MCM3AP: variants seen among roughly 807,000 people sequenced by gnomAD.
The protein encoded by MCM3AP is minichromosome maintenance complex component 3 associated protein.
A neutral mutation model predicts 184.1 loss-of-function variants in MCM3AP; 126 were observed. The ratio of observed to expected loss-of-function variants is 0.68; its 90% CI spans 0.59 to 0.79. MCM3AP has a LOEUF of 0.79. MCM3AP is among the 30% of genes least tolerant of loss of function. The probability of loss-of-function intolerance (pLI) is 0.00; values close to 1 mark genes in which losing one functional copy is unlikely to be tolerated. For missense variants in MCM3AP, 2,496 were observed against 2,479.2 expected (o/e 1.01, Z -0.14); for synonymous variants, 1,002 against 979.3 (o/e 1.02, Z -0.43).
intron 19 of MCM3AP, chr21:46,254,009 C>T (rs1380681801): frequency 2.4e-5 from 6 of 255,040 alleles, no homozygotes; most frequent in South Asian, 5.2e-5. Context: ...CTCTCTCTTC[C>T]TCCTGCTTTG....
At chr21:46,251,415 A>G (rs1022689696) in intron 20 of MCM3AP, 114 bp downstream of exon 20, 2 of 844,224 alleles carry the variant, frequency 2.4e-6, no homozygotes, top group South Asian at 2.4e-5. Flanking sequence ...TGAGCCTCCC[A>G]GTCTTTCAAA....
intron 4 of MCM3AP, among the ~76,000 whole-genome samples, chr21:46,279,045 G>T (rs1024756171): frequency 6.6e-6 from 1 of 150,800 alleles, no homozygotes; most frequent in Admixed American, 6.6e-5. Flanking sequence ...TATTAGAAAT[G>T]CATGGTTTGG....
In MCM3AP at chr21:46,279,600, G is replaced by A. The variant is rs373329187; in HGVS notation, c.1667+393C>T. Among the ~76,000 whole-genome samples the A allele has an allele frequency of 9.2e-5, 14 of 152,332 alleles. No homozygotes were observed. The East Asian group carries it at 1.5e-3, about 17-fold the overall frequency. On this transcript the variant is annotated intron_variant, in intron 4 of 27. Transcript: ENST00000291688. ...GGTCTGTACCAGCTATAACAACTGT[G>A]TGATGAGATTCTCCCATAGAAAATG... is the stretch of plus-strand genomic sequence containing the variant.
chr21:46,250,139 G>C (rs2080845736), intron 20 of MCM3AP: 1 of 147,096 alleles, frequency 6.8e-6, no homozygotes, highest in African/African-American at 2.7e-5. Flanking sequence ...TACATTAAGT[G>C]AGACAATAAG....
chr21:46,263,350 A>T (rs1016683929), intron 13 of MCM3AP, among the ~76,000 whole-genome samples: 1 of 152,128 alleles, frequency 6.6e-6, no homozygotes, highest in Non-Finnish European at 1.5e-5. Context: ...CAAAACAAAC[A>T]AACAAAAAAA....
rs369759778 is a variant in MCM3AP, at chr21:46,265,273, G to A, written c.3234+48C>T. On this transcript the variant is annotated intron_variant, in intron 12 of 27. Coordinates refer to ENST00000291688, the MANE Select transcript of MCM3AP (RefSeq NM_003906.5). ...TGGGGTGATGACTAAGGACGTTTGCGCACAATGGGCTTCCCAGAGTCCAGA... is the reference window on the plus strand; with the variant it reads ...TGGGGTGATGACTAAGGACGTTTGCACACAATGGGCTTCCCAGAGTCCAGA... 3.6e-5 allele frequency: 56 copies of A among 1,570,616 alleles called. No individual in the cohort carries two copies. The African/African-American group carries it at 4.7e-4, about 13-fold the overall frequency.
Position 46,243,006 on chromosome 21 carries a change from C to CAAA in MCM3AP, c.5297-78_5297-76dup. ...GTCTCAAAAAAAAAAAAAACACACA[C>CAAA]AAAAAAACAAAAACAGGTACAAATA... On this transcript the variant is annotated intron_variant, in intron 24 of 27. Coordinates refer to ENST00000291688, the MANE Select transcript of MCM3AP (RefSeq NM_003906.5). 17 of 1,250,684 alleles carry CAAA rather than the reference C, an allele frequency of 1.4e-5. No individual in the cohort carries two copies. The East Asian group carries it at 1.7e-4, about 12-fold the overall frequency. 77.5% of individuals were successfully genotyped at this position (1,250,684 alleles called of 1,614,324 possible).
intron 20 of MCM3AP, chr21:46,250,138 T>C (rs2080845689): frequency 6.8e-6 from 1 of 148,084 alleles, no homozygotes; most frequent in South Asian, 2.1e-4. Context: ...CTACATTAAG[T>C]GAGACAATAA....
Position 46,265,310 on chromosome 21 carries a change from A to G in MCM3AP, c.3234+11T>C, listed in dbSNP as rs1321474398. On this transcript the variant is annotated intron_variant, in intron 12 of 27. Coordinates refer to ENST00000291688, the MANE Select transcript of MCM3AP (RefSeq NM_003906.5). ...TCCCAGAGTCCAGACCTAGAAAAAA[A>G]GAGTCCCTACCTCGTCAGAGTACAT... 6.2e-7 allele frequency: 1 copy of G among 1,612,948 alleles called. No homozygotes were observed. The highest frequency in any genetic ancestry group is 1.3e-5 in the African/African-American group (1 of 75,008).
chr21:46,278,578 A>T (rs375168998), intron 4 of MCM3AP, among the ~76,000 whole-genome samples: 2 of 152,244 alleles, frequency 1.3e-5, no homozygotes, highest in African/African-American at 4.8e-5. Context: ...GGCACTTCAC[A>T]TCACATGCCG....
intron 27 of MCM3AP, among the ~76,000 whole-genome samples, chr21:46,235,849 A>T (rs2080513606): frequency 6.6e-6 from 1 of 151,988 alleles, no homozygotes; most frequent in African/African-American, 2.4e-5. Flanking sequence ...CCCAGGCTGG[A>T]CTCAAGCTCC....
At chr21:46,270,120 A>G in intron 9 of MCM3AP, 1 of 286,016 alleles carries the variant, frequency 3.5e-6, no homozygotes, top group East Asian at 5.8e-5. Flanking sequence ...GCTTTCATGG[A>G]TGATGATAGT....
At chr21:46,282,406 C>T (rs956494162) in intron 2 of MCM3AP, among the ~76,000 whole-genome samples, 1 of 152,106 alleles carries the variant, frequency 6.6e-6, no homozygotes. Context: ...TTTATAAATT[C>T]CTATAGAACG....
intron 5 of MCM3AP, among the ~76,000 whole-genome samples, chr21:46,275,667 G>A (rs1214160258): frequency 2.0e-5 from 3 of 152,012 alleles, no homozygotes; most frequent in Non-Finnish European, 2.9e-5. Context: ...ACTTTCAGCC[G>A]GAGTTTTCTA....
chr21:46,256,158 G>A (rs1384495410), intron 17 of MCM3AP, among the ~76,000 whole-genome samples: 1 of 152,152 alleles, frequency 6.6e-6, no homozygotes, highest in African/African-American at 2.4e-5. Flanking sequence ...GGCCAGGCAA[G>A]AGGTGGCACC....
intron 11 of MCM3AP, 108 bp downstream of exon 11, chr21:46,265,817 G>C: frequency 7.3e-7 from 1 of 1,363,844 alleles, no homozygotes; most frequent in Admixed American, 2.3e-5. Flanking sequence ...AGGTGCTCAG[G>C]CTCCTGGGAG....
chr21:46,251,456 G>T, intron 20 of MCM3AP, 73 bp downstream of exon 20: 1 of 1,287,912 alleles, frequency 7.8e-7, no homozygotes, highest in Non-Finnish European at 1.1e-6. Flanking sequence ...GTATTTGCAT[G>T]GTTCCAGTGA....
At chr21:46,244,063 G>A (rs555331137) in intron 23 of MCM3AP, among the ~76,000 whole-genome samples, 7 of 152,362 alleles carry the variant, frequency 4.6e-5, no homozygotes, top group Middle Eastern at 3.4e-3. Context: ...CCTAACCAGA[G>A]CACCGAGGGC....
At chr21:46,241,119 G>T (rs1330574725) in intron 25 of MCM3AP, 102 bp from the exon 26 acceptor site, 2 of 852,568 alleles carry the variant, frequency 2.3e-6, no homozygotes, top group Non-Finnish European at 3.8e-6. Context: ...TAACATGTAA[G>T]AACATGTGCC....
Sources: gnomAD v4.1 joint callset for allele counts (sites outside exome capture counted in the v4.1 genomes callset) on GRCh38, gnomAD v4.1.1 for gene constraint, MANE v1.5 for transcripts, NCBI Gene and HGNC (gene_info 2026-07-23, HGNC 2026-07-21) for gene names.